COL23A1: variants seen among roughly 807,000 people sequenced by gnomAD.
COL23A1 encodes collagen type XXIII alpha 1 chain, also known as collagen alpha-1(XXIII) chain.
A neutral mutation model predicts 99.3 loss-of-function variants in COL23A1; 97 were observed. The ratio of observed to expected loss-of-function variants is 0.98; its 90% CI spans 0.83 to 1.16. COL23A1 has a LOEUF of 1.16. Among genes scored for constraint, COL23A1 ranks in the 50% most tolerant of loss-of-function variants. COL23A1 has a pLI of 0.00. For missense variants in COL23A1, 762 were observed against 757.4 expected, an observed-to-expected ratio of 1.01 and a Z score of -0.07; for synonymous variants, 320 against 308.2, an observed-to-expected ratio of 1.04 and a Z score of -0.40.
chr5:178,550,494 A>G (rs1246723818), intron 2 of COL23A1, among the ~76,000 whole-genome samples: 5 of 152,198 alleles, frequency 3.3e-5, no homozygotes, highest in Non-Finnish European at 7.3e-5. Flanking sequence ...GTCCCAGTTG[A>G]GAAGCACGGC....
At chr5:178,263,613 C>A (rs1186717327) in intron 8 of COL23A1, among the ~76,000 whole-genome samples, 1 of 152,204 alleles carries the variant, frequency 6.6e-6, no homozygotes, top group African/African-American at 2.4e-5. Flanking sequence ...AGATGGCACA[C>A]GCTGCATGTG....
At chr5:178,573,991 TG>T (rs975240294) in intron 1 of COL23A1, among the ~76,000 whole-genome samples, 1 of 152,068 alleles carries the variant, frequency 6.6e-6, no homozygotes, top group Non-Finnish European at 1.5e-5. Flanking sequence ...CCTGAGTAGC[TG>T]GGGGTACAGG....
At chr5:178,286,382 C>A (rs1349957149) in intron 5 of COL23A1, among the ~76,000 whole-genome samples, 1 of 152,148 alleles carries the variant, frequency 6.6e-6, no homozygotes, top group Non-Finnish European at 1.5e-5. Context: ...CCACACACAT[C>A]CTTCTCTCCG....
chr5:178,329,103 A>T (rs1277590520), intron 2 of COL23A1, among the ~76,000 whole-genome samples: 1 of 152,136 alleles, frequency 6.6e-6, no homozygotes, highest in Non-Finnish European at 1.5e-5. Flanking sequence ...CAGGTGGCCA[A>T]TTTCAGGTTT....
chr5:178,542,755 G>A, intron 2 of COL23A1, among the ~76,000 whole-genome samples: 1 of 152,180 alleles, frequency 6.6e-6, no homozygotes, highest in South Asian at 2.1e-4. Context: ...TCCTTTGATG[G>A]CGTTTTGGTG....
intron 2 of COL23A1, among the ~76,000 whole-genome samples, chr5:178,367,345 C>A (rs753604121): frequency 2.0e-5 from 3 of 151,942 alleles, no homozygotes; most frequent in Non-Finnish European, 4.4e-5. Context: ...GTGCCCGTTT[C>A]TCCTCTGGAG....
At chr5:178,374,547 T>A (rs1762968256) in intron 2 of COL23A1, among the ~76,000 whole-genome samples, 1 of 152,236 alleles carries the variant, frequency 6.6e-6, no homozygotes, top group Admixed American at 6.5e-5. Context: ...GACTTCTCTG[T>A]GCCTCAGTTT....
At position 178,310,906 on chromosome 5, in the gene COL23A1, A is replaced by C. The variant is rs1346849034; in HGVS notation, c.362-3987T>G. Among the ~76,000 whole-genome samples, 1 of 152,138 alleles carries C rather than the reference A, an allele frequency of 6.6e-6. No individual in the cohort carries two copies. The highest frequency in any genetic ancestry group is 1.5e-5 in the Non-Finnish European group (1 of 68,028). On this transcript the variant is annotated intron_variant, in intron 2 of 28. Transcript: ENST00000390654. The surrounding 1 kb of genome is among the most constrained non-coding windows in gnomAD (Gnocchi z 4.3). The stretch of plus-strand genomic sequence containing the variant: ...GCTGCTGCCTGAGACTCAGACACTC[A>C]GGAAGGCACTGGGAGTCTGTCTTGA...
chr5:178,538,377 G>C (rs746006574), intron 2 of COL23A1, among the ~76,000 whole-genome samples: 1 of 152,170 alleles, frequency 6.6e-6, no homozygotes, highest in African/African-American at 2.4e-5. Context: ...TGATGGGGTA[G>C]AAAAATGAAA....
chr5:178,428,356 C>T lies in COL23A1; in HGVS notation c.362-121437G>A, dbSNP rs6877016. Among the ~76,000 whole-genome samples, 6,524 of 152,284 alleles carry T rather than the reference C, an allele frequency of 0.043. 331 individuals are homozygous for T. Among genetic ancestry groups the T allele is most frequent in the African/African-American group, 0.12 (4,798 of 41,548 alleles). On this transcript the variant is annotated intron_variant, in intron 2 of 28. Coordinates refer to ENST00000390654, the MANE Select transcript of COL23A1 (RefSeq NM_173465.4). The surrounding 1 kb of genome is among the most constrained non-coding windows in gnomAD (Gnocchi z 5.0). Reference sequence around the variant, plus strand: ...TCTAGAACCTGCAGGACCATGGAGCCAGCTCTTTGCACGAGGAGGAGCCTT... The same window carrying T: ...TCTAGAACCTGCAGGACCATGGAGCTAGCTCTTTGCACGAGGAGGAGCCTT...
At chr5:178,454,659 A>C (rs1206974533) in intron 2 of COL23A1, among the ~76,000 whole-genome samples, 1 of 152,192 alleles carries the variant, frequency 6.6e-6, no homozygotes, top group Non-Finnish European at 1.5e-5. Context: ...TCCCTTCCCT[A>C]TCTCCCAACA....
intron 8 of COL23A1, 43 bp from the exon 9 acceptor site, chr5:178,263,367 T>C: frequency 8.0e-7 from 1 of 1,245,616 alleles, no homozygotes; most frequent in Non-Finnish European, 1.1e-6. Context: ...GGGGAGGGGG[T>C]CCAGCCTCCA....
intron 5 of COL23A1, among the ~76,000 whole-genome samples, chr5:178,272,879 C>G (rs993595071): frequency 6.6e-6 from 1 of 152,170 alleles, no homozygotes; most frequent in East Asian, 1.9e-4. Context: ...CTTCAAGGAG[C>G]TCTTCGTGGC....
intron 2 of COL23A1, among the ~76,000 whole-genome samples, chr5:178,450,911 T>C (rs1767452193): frequency 6.6e-6 from 1 of 152,232 alleles, no homozygotes; most frequent in African/African-American, 2.4e-5. Flanking sequence ...CCTTACCCTG[T>C]GCTGGGTACT....
chr5:178,575,513 C>T (rs553177176), intron 1 of COL23A1, among the ~76,000 whole-genome samples: 2 of 152,304 alleles, frequency 1.3e-5, no homozygotes, highest in East Asian at 3.9e-4. Flanking sequence ...GGAGCTCCTG[C>T]AGAAGATCAT....
At chr5:178,245,277 C>T (rs943320934) in intron 25 of COL23A1, among the ~76,000 whole-genome samples, 2 of 149,092 alleles carry the variant, frequency 1.3e-5, no homozygotes, top group Non-Finnish European at 3.0e-5. Context: ...ATCATCCATC[C>T]ATCCATCCCT....
rs140249174 is a variant in COL23A1 at position 178,418,889 on chromosome 5, T to C, written c.362-111970A>G. Among the ~76,000 whole-genome samples, 961 of 152,236 alleles carry C rather than the reference T, an allele frequency of 6.3e-3. 3 individuals are homozygous for C. Among genetic ancestry groups the C allele is most frequent in the Non-Finnish European group, 0.011 (778 of 68,006 alleles). Reference sequence around the variant, plus strand: ...AGGTATCATGCAAAGACTAGGATCATGCAATTACAGGTTTACTGTCACCAC... The same window carrying C: ...AGGTATCATGCAAAGACTAGGATCACGCAATTACAGGTTTACTGTCACCAC... On this transcript the variant is annotated intron_variant, in intron 2 of 28. Transcript: ENST00000390654.
chr5:178,256,398 C>A lies in COL23A1; in HGVS notation c.838-1G>T, dbSNP rs756434043. ...CCGTGCCTCGGTGGCCAGGCTCCCC[C>A]TGTGGAGACATGCATTTGCAGCCAG... On this transcript the variant is annotated splice_acceptor_variant, in intron 14 of 28. Transcript: ENST00000390654. LOFTEE classifies it high-confidence loss of function. The A allele has an allele frequency of 6.2e-7, 1 of 1,606,724 alleles. No homozygotes were observed. Among genetic ancestry groups the A allele is most frequent in the Admixed American group, 1.7e-5 (1 of 59,382 alleles).
intron 2 of COL23A1, chr5:178,351,859 C>T (rs981224081): frequency 5.3e-5 from 8 of 152,162 alleles, no homozygotes; most frequent in African/African-American, 1.9e-4. Flanking sequence ...GCCCTAACCC[C>T]GAAGGACTGG....
Sources: allele counts gnomAD v4.1 joint callset (sites outside exome capture counted in the v4.1 genomes callset), GRCh38; gene constraint gnomAD v4.1.1; non-coding constraint Gnocchi (gnomAD v3.1); transcripts MANE v1.5; gene names NCBI Gene and HGNC (gene_info 2026-07-23, HGNC 2026-07-21).